LRBA: variants seen among roughly 807,000 people sequenced by gnomAD.
LRBA encodes the protein lipopolysaccharide-responsive and beige-like anchor protein.
In LRBA, 176 loss-of-function variants were observed where a neutral mutation model predicts 330.0. The ratio of observed to expected loss-of-function variants is 0.53; its 90% CI spans 0.47 to 0.60. The LOEUF is 0.60. Ranked by LOEUF, LRBA falls within the 20% of genes least tolerant of loss-of-function variation. LRBA has a pLI of 0.00. For synonymous variants in LRBA, 1,230 were observed against 1,193.0 expected (o/e 1.03, Z -0.64); for missense variants, 3,259 against 3,444.8 (o/e 0.95, Z 1.35).
intron 53 of LRBA, among the ~76,000 whole-genome samples, chr4:150,297,424 T>C (rs1489336314): frequency 6.6e-6 from 1 of 152,214 alleles, no homozygotes; most frequent in African/African-American, 2.4e-5. Flanking sequence ...TTCATAGACA[T>C]ACTTTTAATG....
chr4:150,779,286 A>C (rs960483576), intron 34 of LRBA, among the ~76,000 whole-genome samples: 1 of 152,092 alleles, frequency 6.6e-6, no homozygotes, highest in Non-Finnish European at 1.5e-5. Flanking sequence ...CCCAGCCAGA[A>C]ATACATATGT....
At chr4:150,558,820 ACT>A (rs752286943) in intron 40 of LRBA, among the ~76,000 whole-genome samples, 1 of 152,090 alleles carries the variant, frequency 6.6e-6, no homozygotes, top group Non-Finnish European at 1.5e-5. Context: ...ATGATTTAAG[ACT>A]CTGACTCTAA....
At chr4:150,489,687 A>AATATATT (rs1287228169) in intron 41 of LRBA, among the ~76,000 whole-genome samples, 6 of 129,262 alleles carry the variant, frequency 4.6e-5, no homozygotes, top group Non-Finnish European at 7.9e-5. Context: ...TATATATAAG[A>AATATATT]ATATATTATA....
At chr4:150,669,917 T>C (rs1781902498) in intron 37 of LRBA, among the ~76,000 whole-genome samples, 1 of 152,210 alleles carries the variant, frequency 6.6e-6, no homozygotes, top group South Asian at 2.1e-4. Context: ...AAGAAGACCA[T>C]GGAAGTGCTC....
intron 46 of LRBA, among the ~76,000 whole-genome samples, chr4:150,426,831 G>C (rs1749691414): frequency 6.6e-6 from 1 of 151,478 alleles, no homozygotes; most frequent in Non-Finnish European, 1.5e-5. Context: ...TTTTTTATTA[G>C]CAATGACAGT....
At chr4:150,479,622 T>C (rs1318038108) in intron 42 of LRBA, among the ~76,000 whole-genome samples, 1 of 152,194 alleles carries the variant, frequency 6.6e-6, no homozygotes, top group East Asian at 1.9e-4. Context: ...GAGGTGGAGC[T>C]TAATTCCCCT....
chr4:150,728,113 A>C (rs1032579686), intron 36 of LRBA, among the ~76,000 whole-genome samples: 1 of 152,158 alleles, frequency 6.6e-6, no homozygotes, highest in African/African-American at 2.4e-5. Context: ...AATCTAGAAG[A>C]AATGGATCAA....
intron 22 of LRBA, among the ~76,000 whole-genome samples, chr4:150,858,597 T>G (rs934021253): frequency 1.8e-4 from 27 of 152,338 alleles, no homozygotes; most frequent in Admixed American, 5.9e-4. Flanking sequence ...TGGCACAATC[T>G]CAGCTCACTG....
At chr4:150,385,350 G>A (rs1167716341) in intron 47 of LRBA, among the ~76,000 whole-genome samples, 1 of 152,012 alleles carries the variant, frequency 6.6e-6, no homozygotes, top group Non-Finnish European at 1.5e-5. Flanking sequence ...GCCATAAAGG[G>A]GCGAATAGAC....
intron 2 of LRBA, among the ~76,000 whole-genome samples, chr4:150,976,786 T>C (rs1333716129): frequency 6.6e-6 from 1 of 152,200 alleles, no homozygotes; most frequent in Admixed American, 6.5e-5. Flanking sequence ...CTGTGTGTCA[T>C]GGAGCACCTA....
At chr4:150,423,352 AG>A in intron 46 of LRBA, 1 of 683,850 alleles carries the variant, frequency 1.5e-6, no homozygotes, top group Non-Finnish European at 2.6e-6. Flanking sequence ...GGAGGCGTCA[AG>A]GGTCTTCTGC....
chr4:150,917,207 CTT>C (rs1012739630), intron 5 of LRBA, among the ~76,000 whole-genome samples: 6 of 151,834 alleles, frequency 4.0e-5, no homozygotes, highest in East Asian at 1.9e-4. Context: ...GAAGAAGACT[CTT>C]TATCAGGAAG....
chr4:150,685,420 A>ATATATAT (rs1561514146), intron 36 of LRBA, among the ~76,000 whole-genome samples: 3 of 17,438 alleles, frequency 1.7e-4, no homozygotes, highest in Non-Finnish European at 2.8e-4. Flanking sequence ...ATATATATAT[A>ATATATAT]TTTTTTTTTT....
intron 13 of LRBA, among the ~76,000 whole-genome samples, chr4:150,903,456 G>C (rs1730979625): frequency 6.6e-6 from 1 of 152,090 alleles, no homozygotes; most frequent in South Asian, 2.1e-4. Context: ...AATGAACAGA[G>C]GCTGGGCCTG....
chr4:150,440,718 G>A (rs967324274), intron 44 of LRBA, among the ~76,000 whole-genome samples: 4 of 152,078 alleles, frequency 2.6e-5, no homozygotes, highest in Admixed American at 6.6e-5. Flanking sequence ...CTGTAATCGC[G>A]CCACTGTACT....
intron 50 of LRBA, among the ~76,000 whole-genome samples, chr4:150,319,023 T>A (rs17588461): frequency 0.16 from 25,079 of 152,060 alleles, 2,322 homozygotes; most frequent in Non-Finnish European, 0.21. Context: ...CCACTAGGTA[T>A]TAAGGGAAGC....
chr4:150,784,941 T>C (rs111864008), intron 34 of LRBA, among the ~76,000 whole-genome samples: 1 of 152,156 alleles, frequency 6.6e-6, no homozygotes, highest in Non-Finnish European at 1.5e-5. Flanking sequence ...TCTCCCCAAT[T>C]TGTAACCACC....
intron 52 of LRBA, among the ~76,000 whole-genome samples, chr4:150,305,759 T>C (rs139336902): frequency 3.4e-4 from 51 of 152,228 alleles, no homozygotes; most frequent in Non-Finnish European, 6.6e-4. Context: ...CAATTTATAC[T>C]TTGGGCTCAA....
chr4:150,335,569 T>C (rs1473277414), intron 48 of LRBA, among the ~76,000 whole-genome samples: 1 of 150,738 alleles, frequency 6.6e-6, no homozygotes, highest in African/African-American at 2.4e-5. Flanking sequence ...TATGTATATA[T>C]AAAGCACTTA....
Sources: gnomAD v4.1 joint callset for allele counts (sites outside exome capture counted in the v4.1 genomes callset) on GRCh38, gnomAD v4.1.1 for gene constraint, MANE v1.5 for transcripts, NCBI Gene and HGNC (gene_info 2026-07-23, HGNC 2026-07-21) for gene names.